The following SPTBN5 variants were observed in gnomAD, a reference collection of about 807,000 sequenced individuals.
SPTBN5 encodes the protein spectrin beta chain, non-erythrocytic 5.
In SPTBN5, 513 loss-of-function variants were observed where a neutral mutation model predicts 477.6. That is an observed-to-expected ratio of 1.07 (90% CI 1.00 to 1.16). SPTBN5 has a LOEUF of 1.16. Among genes scored for constraint, SPTBN5 ranks in the 50% most tolerant of loss-of-function variants. The pLI, the probability that SPTBN5 is intolerant of heterozygous loss-of-function variation, is 0.00. For synonymous variants in SPTBN5, 2,169 were observed against 2,011.7 expected, an observed-to-expected ratio of 1.08 and a Z score of -2.09; for missense variants, 5,062 against 4,731.8, an observed-to-expected ratio of 1.07 and a Z score of -2.05.
intron 44 of SPTBN5, 47 bp from the exon 45 acceptor site, chr15:41,861,970 G>C: frequency 1.9e-6 from 3 of 1,565,262 alleles, no homozygotes; most frequent in Non-Finnish European, 2.6e-6. Context: ...AAGCAGCCCA[G>C]CAGGCAGGAG....
intron 61 of SPTBN5, 101 bp downstream of exon 61, chr15:41,852,533 A>C: frequency 7.2e-7 from 1 of 1,389,176 alleles, no homozygotes; most frequent in Non-Finnish European, 1.0e-6. Context: ...CAGGTAAGGC[A>C]GGGCCGGGTG....
rs373588166 is a variant in SPTBN5, at chr15:41,851,895, T to G, written c.10585-45A>C. ...CCCAGAAATGTCAGGACCAGCACCCTCAGGAAGGTGGGCAAGGCACCCACT... is the reference window on the plus strand; with the variant it reads ...CCCAGAAATGTCAGGACCAGCACCCGCAGGAAGGTGGGCAAGGCACCCACT... On this transcript the variant is annotated intron_variant, in intron 62 of 67. Coordinates refer to ENST00000320955, the MANE Select transcript of SPTBN5 (RefSeq NM_016642.4). 10 of 1,526,320 alleles carry G rather than the reference T, an allele frequency of 6.6e-6. No homozygotes were observed. In the African/African-American group the frequency reaches 1.4e-4, roughly 21 times the overall value. 94.5% of individuals were successfully genotyped at this position (1,526,320 alleles called of 1,614,324 possible). A position where few individuals can be genotyped will look rare whatever the true frequency, so the allele number is the denominator to read the frequency against.
At chr15:41,890,555 G>A (rs2067277927) in intron 3 of SPTBN5, among the ~76,000 whole-genome samples, 2 of 152,382 alleles carry the variant, frequency 1.3e-5, no homozygotes, top group African/African-American at 4.8e-5. Flanking sequence ...CAGTCAATGT[G>A]TGAGCCCAAC....
At chr15:41,884,662 T>G (rs1443293635) in intron 7 of SPTBN5, among the ~76,000 whole-genome samples, 1 of 152,110 alleles carries the variant, frequency 6.6e-6, no homozygotes, top group Admixed American at 6.6e-5. Context: ...ACTCGTCTGC[T>G]CCAGCCCTCC....
In SPTBN5 at chr15:41,849,048, A is replaced by G. The variant is rs946840249; in HGVS notation, c.11013-420T>C. ...AGCCGTGGCTGCCACCCCTCATGGTATGAGCCCTCCAGGCACACGGCTGTA... is the reference window on the plus strand; with the variant it reads ...AGCCGTGGCTGCCACCCCTCATGGTGTGAGCCCTCCAGGCACACGGCTGTA... On this transcript the variant is annotated intron_variant, in intron 67 of 67. Coordinates refer to ENST00000320955, the MANE Select transcript of SPTBN5 (RefSeq NM_016642.4). Among the ~76,000 whole-genome samples the G allele has an allele frequency of 2.6e-5, 4 of 152,190 alleles. No homozygotes were observed. In the South Asian group the frequency reaches 8.3e-4, roughly 31 times the overall value.
intron 23 of SPTBN5, 85 bp downstream of exon 23, chr15:41,874,757 A>T: frequency 1.5e-6 from 2 of 1,374,764 alleles, no homozygotes; most frequent in Non-Finnish European, 2.0e-6. Flanking sequence ...AGGTCTGGAC[A>T]CCCCGGTCCT....
In SPTBN5 at chr15:41,854,973, G is replaced by A; in HGVS notation, c.9427C>T (p.Leu3143=). The change falls in exon 56 of 68, where the codon CTG becomes TTG. Residue 3143 remains leucine (L), a synonymous_variant. Transcript: ENST00000320955. The part of the protein sequence containing the change: ...YGQDLEGVKV[L]EEKFDAFRKE... ...CTGAAAGCATCAAACTTCTCTTCCA[G>A]CACCTGCAAAGGTATGAGGCCCAGC... The A allele has an allele frequency of 6.5e-7, 1 of 1,539,910 alleles. No individual in the cohort carries two copies. Among genetic ancestry groups the A allele is most frequent in the Non-Finnish European group, 8.7e-7 (1 of 1,143,112 alleles).
chr15:41,889,847 G>T lies in SPTBN5; in HGVS notation c.501+242C>A, dbSNP rs190855764. 2.0e-5 allele frequency among the ~76,000 whole-genome samples: 3 copies of T among 152,326 alleles called. No individual in the cohort carries two copies. The East Asian group carries it at 5.8e-4, about 29-fold the overall frequency. The stretch of plus-strand genomic sequence containing the variant: ...TGAACCCCCCACTAGTGAATGACTT[G>T]CCCAGACCTGGTTTGAAGCCCATGG... On this transcript the variant is annotated intron_variant, in intron 4 of 67. Coordinates refer to ENST00000320955, the MANE Select transcript of SPTBN5 (RefSeq NM_016642.4).
rs2066970662 is a variant in SPTBN5, at chr15:41,881,994, T to TCGGC, written c.2395_2398dup (p.Glu800GlyfsTer41). ...CCCCTGCTCCTCCAGCCGCCGCAGC[T>TCGGC]CGGCCGCGAAGGCGCGCAGGACGCG... On this transcript the variant is annotated frameshift_variant, in exon 12 of 68. Transcript: ENST00000320955. LOFTEE classifies it high-confidence loss of function. The TCGGC allele has an allele frequency of 2.6e-6, 4 of 1,536,468 alleles. No homozygotes were observed. Among genetic ancestry groups the TCGGC allele is most frequent in the African/African-American group, 1.4e-5 (1 of 70,916 alleles).
In SPTBN5 at chr15:41,886,260, C is replaced by T. The variant is rs773746615; in HGVS notation, c.995G>A (p.Arg332Gln). 1.8e-5 allele frequency: 29 copies of T among 1,613,114 alleles called. No homozygotes were observed. Among genetic ancestry groups the T allele is most frequent in the African/African-American group, 1.7e-4 (13 of 74,944 alleles). ...IAEKQMQLEA[R>Q]DFPDSLPAMR... ...GGCGGGCAGCGAGTCTGGAAAATCC[C>T]GCGCCTCCAGCTGCATCTGCTTCTC... Residue 332 changes from arginine (R) to glutamine (Q), a missense_variant, in exon 7 of 68, where the codon CGG becomes CAG. Coordinates refer to ENST00000320955, the MANE Select transcript of SPTBN5 (RefSeq NM_016642.4).
intron 66 of SPTBN5, 76 bp downstream of exon 66, chr15:41,850,778 A>AT: frequency 1.5e-6 from 2 of 1,315,154 alleles, no homozygotes; most frequent in Non-Finnish European, 2.1e-6. Context: ...CCTAGGATGC[A>AT]TAAAACACTA....
At position 41,893,024 on chromosome 15, in the gene SPTBN5, G is replaced by A; in HGVS notation, c.254C>T (p.Ala85Val). Residue 85 changes from alanine to valine, a missense_variant, in exon 3 of 68, where the codon GCT (alanine) becomes GTT (valine). Physicochemically the swap from Ala to Val is moderately conservative, Grantham distance 64 (BLOSUM62 0). Coordinates refer to ENST00000320955, the MANE Select transcript of SPTBN5 (RefSeq NM_016642.4). ...CAGCCGCAGGAGGTGGATGCCGTCA[G>A]CCAGCTCTGTGTACAGGTTCCGGAT... ...IKIRNLYTEL[A>V]DGIHLLRLLE... The A allele has an allele frequency of 6.2e-7, 1 of 1,611,302 alleles. No individual in the cohort carries two copies.
chr15:41,860,561 C>G, intron 47 of SPTBN5, 25 bp downstream of exon 47: 2 of 1,370,226 alleles, frequency 1.5e-6, no homozygotes, highest in Non-Finnish European at 1.9e-6. Context: ...GCCCACAGCA[C>G]CCCTCACCCC....
rs1436289927 is a variant in SPTBN5 at position 41,851,065 on chromosome 15, G to A, written c.10829C>T (p.Ser3610Phe). 12 of 1,612,146 alleles carry A rather than the reference G, an allele frequency of 7.4e-6. No individual in the cohort carries two copies. Among genetic ancestry groups the A allele is most frequent in the Middle Eastern group, 1.6e-4 (1 of 6,062 alleles). The change falls in exon 65 of 68, where the codon TCC becomes TTC. Residue 3610 changes from serine (S) to phenylalanine (F), a missense_variant. Coordinates refer to ENST00000320955, the MANE Select transcript of SPTBN5 (RefSeq NM_016642.4). ...RGRHGRKHTFSLRLTSGAEIL... is the reference protein window; with the variant it reads ...RGRHGRKHTFFLRLTSGAEIL... ...TCCATGTCTCTCCGCTCACCTTAAG[G>A]AGAATGTGTGTTTCCTGCCGTGGCG...
rs1431770418 is a variant in SPTBN5 at position 41,857,315 on chromosome 15, G to A, written c.8544C>T (p.Gly2848=). 4 of 1,567,560 alleles carry A rather than the reference G, an allele frequency of 2.6e-6. No individual in the cohort carries two copies. The Admixed American group carries it at 7.5e-5, about 30-fold the overall frequency. ...CTTCCCTCACAAAGGCCTGGGCCTGGCCCAGCAGTGCCTCAGCCTGCCTGG... is the reference window on the plus strand; with the variant it reads ...CTTCCCTCACAAAGGCCTGGGCCTGACCCAGCAGTGCCTCAGCCTGCCTGG... ...KKARQAEALL[G]QAQAFVREGH... is the part of the protein sequence containing the mutation. The change falls in exon 51 of 68, where the codon GGC becomes GGT. Residue 2848 remains glycine (G), a synonymous_variant. Transcript: ENST00000320955.
At chr15:41,890,052 G>C in intron 4 of SPTBN5, 37 bp downstream of exon 4, 3 of 1,422,814 alleles carry the variant, frequency 2.1e-6, no homozygotes, top group Non-Finnish European at 3.0e-6. Context: ...GGCTGGGCTG[G>C]GTCACCAGGT....
chr15:41,883,380 C>G lies in SPTBN5; in HGVS notation c.1627G>C (p.Glu543Gln), dbSNP rs374185070. ...QAVLSLLQEV[E>Q]AASHQLEELQ... is the part of the protein sequence containing the mutation. ...TCCTCCAGCTGGTGGGAGGCAGCCT[C>G]CACCTCCTGCAGCAGGCTCAGCACA... Residue 543 changes from glutamate to glutamine, a missense_variant, in exon 8 of 68, where the codon GAG becomes CAG. Transcript: ENST00000320955. The G allele has an allele frequency of 3.7e-5, 59 of 1,613,628 alleles. No homozygotes were observed. The highest frequency in any genetic ancestry group is 3.1e-5 in the Non-Finnish European group (36 of 1,179,854).
rs1053971329 is a variant in SPTBN5, at chr15:41,858,762, G to T, written c.8080-14C>A. 1 of 1,607,494 alleles carries T rather than the reference G, an allele frequency of 6.2e-7. No individual in the cohort carries two copies. ...CCACGCAGCCACCTGGGCACATGGG[G>T]AGGACAGGCCTGCTGTCCAGGGCTT... On this transcript the variant is annotated splice_polypyrimidine_tract_variant and intron_variant, in intron 48 of 67. Transcript: ENST00000320955.
At chr15:41,875,327 T>TC (rs2066687331) in intron 22 of SPTBN5, 131 bp downstream of exon 22, 1 of 1,188,452 alleles carries the variant, frequency 8.4e-7, no homozygotes, top group African/African-American at 1.5e-5. Flanking sequence ...GCTCAGCTTG[T>TC]CCTAGGCCAG....
Sources: gnomAD v4.1 joint callset for allele counts (sites outside exome capture counted in the v4.1 genomes callset) on GRCh38, gnomAD v4.1.1 for gene constraint, MANE v1.5 for transcripts, NCBI Gene and HGNC (gene_info 2026-07-23, HGNC 2026-07-21) for gene names.